The following ZNF569 variants were observed in gnomAD, a reference collection of about 807,000 sequenced individuals.
ZNF569 encodes zinc finger protein 569, also known as DNA-binding protein.
In ZNF569, 38 loss-of-function variants were observed where a neutral mutation model predicts 56.3. The observed-to-expected ratio is 0.68, with a 90% CI of 0.52 to 0.88. The LOEUF (loss-of-function observed/expected upper bound fraction) is 0.88, where lower values mean the gene tolerates loss of function less well. ZNF569 is among the 40% of genes least tolerant of loss of function. The pLI is 0.00. For synonymous variants in ZNF569, 241 were observed against 262.9 expected (o/e 0.92, Z 0.81); for missense variants, 666 against 809.2 (o/e 0.82, Z 2.15).
intron 5 of ZNF569, among the ~76,000 whole-genome samples, chr19:37,420,778 CAT>C (rs1230260929): frequency 6.6e-6 from 1 of 152,188 alleles, no homozygotes; most frequent in Admixed American, 6.5e-5. Context: ...CACCTGGAAA[CAT>C]AAATCCTTTC....
At chr19:37,426,074 TC>T in intron 4 of ZNF569, 111 bp from the exon 5 acceptor site, 2 of 1,346,654 alleles carry the variant, frequency 1.5e-6, no homozygotes, top group South Asian at 2.7e-5. Context: ...AAATGTGGCT[TC>T]GGGGGTTCTG....
intron 4 of ZNF569, 55 bp from the exon 5 acceptor site, chr19:37,426,018 C>T (rs926522305): frequency 6.3e-7 from 1 of 1,577,556 alleles, no homozygotes; most frequent in African/African-American, 1.4e-5. Context: ...CAAAGAACCA[C>T]CCAAAAATTG....
chr19:37,466,249 G>C, intron 1 of ZNF569, among the ~76,000 whole-genome samples: 1 of 152,094 alleles, frequency 6.6e-6, no homozygotes, highest in East Asian at 1.9e-4. Context: ...AGTTTAGTAA[G>C]TACACAAAAC....
chr19:37,420,890 TAA>T (rs1357224371), intron 5 of ZNF569, among the ~76,000 whole-genome samples: 1 of 152,186 alleles, frequency 6.6e-6, no homozygotes, highest in Non-Finnish European at 1.5e-5. Flanking sequence ...TCGTAAATAA[TAA>T]GACTTGAAAG....
chr19:37,433,448 A>G (rs2146910152), intron 3 of ZNF569, among the ~76,000 whole-genome samples: 1 of 152,318 alleles, frequency 6.6e-6, no homozygotes. Flanking sequence ...TGGGATAACA[A>G]TAGAGAACTT....
intron 3 of ZNF569, among the ~76,000 whole-genome samples, chr19:37,442,372 A>C (rs2041420356): frequency 6.6e-6 from 1 of 152,218 alleles, no homozygotes; most frequent in South Asian, 2.1e-4. Context: ...TTGGGGCAAG[A>C]CAAAGTTGGT....
chr19:37,425,991 G>A, intron 4 of ZNF569, 28 bp from the exon 5 acceptor site: 1 of 1,608,240 alleles, frequency 6.2e-7, no homozygotes, highest in Non-Finnish European at 8.5e-7. Context: ...CATAGATTTG[G>A]GCATACATAC....
In ZNF569 at chr19:37,414,036, G is replaced by T. The variant is rs775141489; in HGVS notation, c.622C>A (p.His208Asn). 6.2e-7 allele frequency: 1 copy of T among 1,613,430 alleles called. No individual in the cohort carries two copies. The highest frequency in any genetic ancestry group is 1.1e-5 in the South Asian group (1 of 91,030). The change falls in exon 6 of 6, where the codon CAT becomes AAT. Residue 208 changes from histidine to asparagine, a missense_variant. His to Asn is a moderately conservative substitution (Grantham distance 68). Transcript: ENST00000316950. Reference sequence around the variant, plus strand: ...CATTCATAGGGCTTCTCTCCAGTATGAATTCTCAGATGTCTGATGAGGTCC... The same window carrying T: ...CATTCATAGGGCTTCTCTCCAGTATTAATTCTCAGATGTCTGATGAGGTCC... ...TLDLIRHLRI[H>N]TGEKPYECSN...
intron 5 of ZNF569, among the ~76,000 whole-genome samples, chr19:37,422,281 A>G (rs1304452905): frequency 6.6e-6 from 1 of 152,132 alleles, no homozygotes; most frequent in Non-Finnish European, 1.5e-5. Context: ...TGTTTCAGGG[A>G]AGAGAGAGAC....
At chr19:37,416,077 A>G (rs1342282201) in intron 5 of ZNF569, among the ~76,000 whole-genome samples, 2 of 151,752 alleles carry the variant, frequency 1.3e-5, no homozygotes, top group Non-Finnish European at 2.9e-5. Flanking sequence ...TACAAAAGAT[A>G]CAAAAATTAG....
At position 37,428,273 on chromosome 19, in the gene ZNF569, G is replaced by A. The variant is rs117034481; in HGVS notation, c.16-1895C>T. ...TGTAATTCTACCACTTTGGGAAGCC[G>A]AGGTGGGAGAACTGCTTGAGGCTAG... On this transcript the variant is annotated intron_variant, in intron 3 of 5. Transcript: ENST00000316950. 6.4e-3 allele frequency among the ~76,000 whole-genome samples: 980 copies of A among 152,226 alleles called. 25 individuals carry two copies. The highest frequency in any genetic ancestry group is 0.052 in the East Asian group (271 of 5,174).
chr19:37,454,257 C>G (rs2041637966), intron 2 of ZNF569, among the ~76,000 whole-genome samples: 1 of 152,022 alleles, frequency 6.6e-6, no homozygotes, highest in African/African-American at 2.4e-5. Flanking sequence ...TGCTGCTCCC[C>G]AGAGAGAATC....
In ZNF569 at chr19:37,413,097, G is replaced by C. The variant is rs181476478; in HGVS notation, c.1561C>G (p.Pro521Ala). 6.2e-7 allele frequency: 1 copy of C among 1,613,494 alleles called. No individual in the cohort carries two copies. The highest frequency in any genetic ancestry group is 8.5e-7 in the Non-Finnish European group (1 of 1,179,810). The change falls in exon 6 of 6, where the codon CCT becomes GCT. Residue 521 changes from proline to alanine, a missense_variant. Coordinates refer to ENST00000316950, the MANE Select transcript of ZNF569 (RefSeq NM_152484.3). ...TTACCACATTCATTACAATCATAAG[G>C]TTTCTCTCCAGTATGAACTTTTTGA... is the stretch of plus-strand genomic sequence containing the variant. ...THQKVHTGEK[P>A]YDCNECGKAF...
At chr19:37,459,003 G>GA (rs1238576919) in intron 2 of ZNF569, among the ~76,000 whole-genome samples, 2 of 151,884 alleles carry the variant, frequency 1.3e-5, no homozygotes, top group Non-Finnish European at 2.9e-5. Context: ...GAAAAAGAAT[G>GA]AAAAACAAAA....
chr19:37,469,193 T>C (rs1020117200), upstream of ZNF569: 6 of 1,248,666 alleles, frequency 4.8e-6, 1 homozygote, highest in Middle Eastern at 9.7e-4. Flanking sequence ...GAGGACCTGG[T>C]GGGGAGGAGG....
At chr19:37,429,397 C>A (rs1368329911) in intron 3 of ZNF569, among the ~76,000 whole-genome samples, 1 of 152,176 alleles carries the variant, frequency 6.6e-6, no homozygotes, top group Non-Finnish European at 1.5e-5. Context: ...CGTTCTCTGC[C>A]CTTTGGAGCT....
intron 3 of ZNF569, among the ~76,000 whole-genome samples, chr19:37,437,821 A>T (rs998368247): frequency 8.5e-5 from 12 of 140,420 alleles, no homozygotes; most frequent in African/African-American, 2.9e-4. Context: ...ATTGAAGAGG[A>T]CACACACAAA....
chr19:37,453,065 T>C (rs2041620278), intron 2 of ZNF569, among the ~76,000 whole-genome samples: 1 of 152,202 alleles, frequency 6.6e-6, no homozygotes, highest in South Asian at 2.1e-4. Context: ...TTGCTAATCC[T>C]TTCTTCTGCT....
chr19:37,416,611 G>A (rs959636071), intron 5 of ZNF569, among the ~76,000 whole-genome samples: 3 of 152,088 alleles, frequency 2.0e-5, no homozygotes, highest in East Asian at 3.8e-4. Context: ...TAAATGCTAT[G>A]TAAATCATTG....
Sources: gnomAD v4.1 joint callset for allele counts (sites outside exome capture counted in the v4.1 genomes callset) on GRCh38, gnomAD v4.1.1 for gene constraint, MANE v1.5 for transcripts, NCBI Gene and HGNC (gene_info 2026-07-23, HGNC 2026-07-21) for gene names.